The following ACSM6 variants were observed in gnomAD, a reference collection of about 807,000 sequenced individuals.
The protein encoded by ACSM6 is acyl-coenzyme A synthetase ACSM6, mitochondrial.
In ACSM6, 35 loss-of-function variants were observed where a neutral mutation model predicts 51.1. The observed-to-expected ratio is 0.69, with a 90% CI of 0.52 to 0.91. The LOEUF (loss-of-function observed/expected upper bound fraction) is 0.91. Among genes scored for constraint, ACSM6 ranks in the 40% least tolerant of loss-of-function variants. ACSM6 has a pLI of 0.00. For synonymous variants in ACSM6, 172 were observed against 207.3 expected (o/e 0.83, Z 1.46); for missense variants, 509 against 584.1 (o/e 0.87, Z 1.32).
exon 8 of ACSM6, chr10:95,214,947 T>A (rs751153922): frequency 7.1e-6 from 11 of 1,551,486 alleles, no homozygotes; most frequent in Non-Finnish European, 9.6e-6. Flanking sequence ...AAGTTGGACA[T>A]CTATGAAGGC....
chr10:95,225,605 A>G, intron 10 of ACSM6: 1 of 433,500 alleles, frequency 2.3e-6, no homozygotes, highest in Non-Finnish European at 4.1e-6. Context: ...CACATTTTTG[A>G]TGAGACATTT....
intron 2 of ACSM6, among the ~76,000 whole-genome samples, chr10:95,198,034 A>G (rs1373412461): frequency 6.6e-6 from 1 of 151,970 alleles, no homozygotes; most frequent in Admixed American, 6.6e-5. Context: ...TTCATACAAC[A>G]CATGTTTTTG....
intron 2 of ACSM6, among the ~76,000 whole-genome samples, chr10:95,197,630 C>T (rs929617019): frequency 2.6e-5 from 4 of 152,144 alleles, no homozygotes; most frequent in Non-Finnish European, 4.4e-5. Context: ...GTTTTTCTCT[C>T]ATCTCAGAAT....
chr10:95,228,524 T>C, intron 10 of ACSM6, 120 bp from the exon 11 acceptor site: 2 of 974,836 alleles, frequency 2.1e-6, no homozygotes, highest in Non-Finnish European at 2.8e-6. Flanking sequence ...CCCTGGAGAG[T>C]GGGGATCCTG....
chr10:95,221,824 T>G (rs1404505437), intron 9 of ACSM6, among the ~76,000 whole-genome samples: 4 of 152,150 alleles, frequency 2.6e-5, no homozygotes, highest in Admixed American at 6.5e-5. Flanking sequence ...AAAGATGACA[T>G]GATAATCTCA....
exon 11 of ACSM6, chr10:95,228,875 GT>G: frequency 7.9e-7 from 1 of 1,261,180 alleles, no homozygotes; most frequent in African/African-American, 1.5e-5. Context: ...TATTTCTAAA[GT>G]TTAGAAAATG....
At chr10:95,216,076 G>C (rs2034940995) in intron 8 of ACSM6, among the ~76,000 whole-genome samples, 1 of 152,158 alleles carries the variant, frequency 6.6e-6, no homozygotes, top group African/African-American at 2.4e-5. Context: ...CTACAGGTGT[G>C]CACCACCATG....
intron 8 of ACSM6, among the ~76,000 whole-genome samples, chr10:95,216,727 A>C (rs936358914): frequency 3.3e-5 from 5 of 152,200 alleles, no homozygotes; most frequent in African/African-American, 1.2e-4. Context: ...GAAAAAAATA[A>C]GTAGAAACCT....
At chr10:95,215,209 C>T (rs536909351) in intron 8 of ACSM6, among the ~76,000 whole-genome samples, 3 of 152,186 alleles carry the variant, frequency 2.0e-5, no homozygotes, top group Non-Finnish European at 2.9e-5. Context: ...CTAGTTTCCA[C>T]CTGACAATTC....
At chr10:95,208,151 A>G (rs1219891296) in intron 4 of ACSM6, among the ~76,000 whole-genome samples, 1 of 152,160 alleles carries the variant, frequency 6.6e-6, no homozygotes, top group Non-Finnish European at 1.5e-5. Flanking sequence ...AAAAAAAAAA[A>G]AGAAATAATG....
intron 10 of ACSM6, chr10:95,228,288 G>A (rs979676536): frequency 5.8e-6 from 1 of 173,804 alleles, no homozygotes; most frequent in Non-Finnish European, 1.2e-5. Context: ...GCATCTGATG[G>A]ATGATGAGCC....
intron 3 of ACSM6, 140 bp downstream of exon 3, chr10:95,202,335 C>T: frequency 1.3e-6 from 1 of 777,764 alleles, no homozygotes; most frequent in Non-Finnish European, 2.1e-6. Flanking sequence ...TTAAACAGGC[C>T]TAGATTTGAA....
chr10:95,221,377 A>T (rs507728), intron 9 of ACSM6, among the ~76,000 whole-genome samples: 25,674 of 152,154 alleles, frequency 0.17, 2,348 homozygotes, highest in Middle Eastern at 0.4. Flanking sequence ...ACTTGAGGTC[A>T]AGAGTTCAAG....
chr10:95,217,058 T>C (rs1278197189), intron 8 of ACSM6, among the ~76,000 whole-genome samples: 1 of 151,726 alleles, frequency 6.6e-6, no homozygotes, highest in Non-Finnish European at 1.5e-5. Flanking sequence ...CAAAAGAAAA[T>C]AGAGAAGTGG....
At chr10:95,221,926 C>T (rs2034998849) in intron 9 of ACSM6, among the ~76,000 whole-genome samples, 1 of 152,070 alleles carries the variant, frequency 6.6e-6, no homozygotes, top group African/African-American at 2.4e-5. Flanking sequence ...TACCTCAACA[C>T]AATAAAGGCC....
chr10:95,194,748 G>A, intron 2 of ACSM6, 71 bp downstream of exon 2: 2 of 1,371,600 alleles, frequency 1.5e-6, no homozygotes, highest in Non-Finnish European at 2.0e-6. Flanking sequence ...AAGATCATGA[G>A]ATTCATATCC....
intron 5 of ACSM6, 21 bp downstream of exon 5, chr10:95,210,814 G>A (rs1160777256): frequency 6.2e-6 from 10 of 1,605,568 alleles, no homozygotes; most frequent in African/African-American, 1.3e-5. Context: ...CGCACAGCCT[G>A]TACAGGCCTG....
intron 3 of ACSM6, among the ~76,000 whole-genome samples, chr10:95,206,333 C>T (rs1043323866): frequency 1.3e-5 from 2 of 152,146 alleles, no homozygotes; most frequent in Non-Finnish European, 2.9e-5. Context: ...GTCAGTACTC[C>T]ACTCTTTTTA....
At chr10:95,219,807 C>T (rs2034978010) in intron 8 of ACSM6, 84 bp from the exon 9 acceptor site, 1 of 1,017,298 alleles carries the variant, frequency 9.8e-7, no homozygotes. Context: ...TTAGGAGGCA[C>T]ATAATGTCTG....
Sources: allele counts gnomAD v4.1 joint callset (sites outside exome capture counted in the v4.1 genomes callset), GRCh38; gene constraint gnomAD v4.1.1; transcripts MANE v1.5; gene names NCBI Gene and HGNC (gene_info 2026-07-23, HGNC 2026-07-21).